Variants in KIAA1217 observed in about 807,000 individuals in gnomAD.
The protein encoded by KIAA1217 is sickle tail protein homolog.
KIAA1217 carries 88 observed loss-of-function variants against 163.9 expected under a neutral mutation model. The observed-to-expected ratio is 0.54, with a 90% confidence interval of 0.45 to 0.64. The LOEUF (loss-of-function observed/expected upper bound fraction) is 0.64, where lower values mean the gene tolerates loss of function less well. Among genes scored for constraint, KIAA1217 ranks in the 30% least tolerant of loss-of-function variants. The pLI is 0.00. For synonymous variants in KIAA1217, 903 were observed against 923.1 expected (o/e 0.98, Z 0.39); for missense variants, 2,372 against 2,475.0 (o/e 0.96, Z 0.88).
intron 2 of KIAA1217, among the ~76,000 whole-genome samples, chr10:24,303,325 G>A (rs952295294): frequency 6.6e-6 from 1 of 152,048 alleles, no homozygotes; most frequent in Non-Finnish European, 1.5e-5. Flanking sequence ...CTCCATTGGA[G>A]GGTTTTAAAG....
At chr10:23,984,442 T>C (rs1212545886) in intron 1 of KIAA1217, among the ~76,000 whole-genome samples, 1 of 152,170 alleles carries the variant, frequency 6.6e-6, no homozygotes, top group Non-Finnish European at 1.5e-5. Flanking sequence ...CTGGGTCAAA[T>C]GGTATAAAGG....
intron 1 of KIAA1217, among the ~76,000 whole-genome samples, chr10:23,853,331 T>C (rs1839457645): frequency 6.6e-6 from 1 of 152,204 alleles, no homozygotes; most frequent in Non-Finnish European, 1.5e-5. Context: ...GATTTGCATG[T>C]ATTAAACCAG....
chr10:24,018,676 T>A (rs1394965142), intron 2 of KIAA1217, among the ~76,000 whole-genome samples: 3 of 152,068 alleles, frequency 2.0e-5, no homozygotes, highest in Non-Finnish European at 4.4e-5. Context: ...AACTTAGAAC[T>A]GCTATATGAC....
intron 1 of KIAA1217, among the ~76,000 whole-genome samples, chr10:23,993,029 CTTTT>C (rs1188657000): frequency 1.7e-5 from 2 of 118,624 alleles, no homozygotes; most frequent in African/African-American, 3.3e-5. Flanking sequence ...TGATAGCTTC[CTTTT>C]TTTTTTTTTT....
intron 1 of KIAA1217, among the ~76,000 whole-genome samples, chr10:23,808,012 C>G (rs1836824224): frequency 6.6e-6 from 1 of 152,204 alleles, no homozygotes; most frequent in Admixed American, 6.5e-5. Context: ...TGATGACAAA[C>G]TTGCCATATC....
At chr10:24,328,363 A>G (rs1166674863) in intron 2 of KIAA1217, among the ~76,000 whole-genome samples, 2 of 152,092 alleles carry the variant, frequency 1.3e-5, no homozygotes, top group Non-Finnish European at 2.9e-5. Context: ...CTGACAATTT[A>G]TTGTTTAGAT....
intron 1 of KIAA1217, among the ~76,000 whole-genome samples, chr10:23,716,028 CA>C (rs1837545640): frequency 6.6e-6 from 1 of 152,100 alleles, no homozygotes; most frequent in South Asian, 2.1e-4. Flanking sequence ...TAGCATGTTT[CA>C]GTCTTGAAAG....
At chr10:24,159,939 C>T (rs979135193) in intron 2 of KIAA1217, among the ~76,000 whole-genome samples, 4 of 152,058 alleles carry the variant, frequency 2.6e-5, no homozygotes, top group African/African-American at 4.8e-5. Context: ...TCTAATTGTT[C>T]TAGAACCACT....
At chr10:23,752,687 T>C (rs545252649) in intron 1 of KIAA1217, among the ~76,000 whole-genome samples, 1 of 152,286 alleles carries the variant, frequency 6.6e-6, no homozygotes, top group South Asian at 2.1e-4. Context: ...TTTTTACTCT[T>C]GTATCAAAGG....
At chr10:23,943,218 T>C (rs1843858925) in intron 1 of KIAA1217, among the ~76,000 whole-genome samples, 1 of 152,206 alleles carries the variant, frequency 6.6e-6, no homozygotes, top group African/African-American at 2.4e-5. Flanking sequence ...AAGCTGTTTA[T>C]ATTTACAGAT....
intron 2 of KIAA1217, among the ~76,000 whole-genome samples, chr10:24,176,752 A>G (rs1312867050): frequency 6.6e-6 from 1 of 152,188 alleles, no homozygotes; most frequent in African/African-American, 2.4e-5. Flanking sequence ...TGGGTGATTG[A>G]TAGGACTAGG....
chr10:24,309,340 A>ATG (rs1169001327), intron 2 of KIAA1217, among the ~76,000 whole-genome samples: 1,450 of 140,002 alleles, frequency 0.01, 9 homozygotes, highest in Non-Finnish European at 0.017. Context: ...AGGCGCGCGC[A>ATG]CGCGCGCGCG....
chr10:23,856,418 C>A (rs1839665482), intron 1 of KIAA1217, among the ~76,000 whole-genome samples: 1 of 152,196 alleles, frequency 6.6e-6, no homozygotes, highest in Non-Finnish European at 1.5e-5. Flanking sequence ...TCAGTCTGCC[C>A]CTACTGGAGG....
chr10:24,160,330 T>C (rs1325672773), intron 2 of KIAA1217, among the ~76,000 whole-genome samples: 1 of 152,160 alleles, frequency 6.6e-6, no homozygotes, highest in East Asian at 1.9e-4. Flanking sequence ...ATTTTAGCAA[T>C]ATTAATTTTT....
intron 1 of KIAA1217, among the ~76,000 whole-genome samples, chr10:23,914,005 C>T (rs1161250314): frequency 1.3e-5 from 2 of 152,256 alleles, no homozygotes; most frequent in East Asian, 3.9e-4. Context: ...TGCAGAAACA[C>T]AGAGGCATGC....
intron 2 of KIAA1217, among the ~76,000 whole-genome samples, chr10:24,281,858 C>A (rs1475075316): frequency 6.6e-6 from 1 of 152,044 alleles, no homozygotes; most frequent in Admixed American, 6.6e-5. Flanking sequence ...CAGATCGAGA[C>A]CAGCATGGCT....
intron 17 of KIAA1217, among the ~76,000 whole-genome samples, chr10:24,541,885 T>C (rs932507657): frequency 1.3e-5 from 2 of 152,168 alleles, no homozygotes; most frequent in Non-Finnish European, 2.9e-5. Context: ...AATGTTTAGG[T>C]TCTATTGTAA....
chr10:23,918,171 T>A (rs1842701514), intron 1 of KIAA1217, among the ~76,000 whole-genome samples: 2 of 136,208 alleles, frequency 1.5e-5, no homozygotes, highest in African/African-American at 5.9e-5. Context: ...TTTTTTTTTT[T>A]AAAGAGATAG....
intron 1 of KIAA1217, among the ~76,000 whole-genome samples, chr10:23,846,859 T>C (rs1839057304): frequency 6.6e-6 from 1 of 151,984 alleles, no homozygotes; most frequent in South Asian, 2.1e-4. Flanking sequence ...CAGTATGATA[T>C]TGGCTGTGGG....
Sources: allele counts gnomAD v4.1 joint callset (sites outside exome capture counted in the v4.1 genomes callset), GRCh38; gene constraint gnomAD v4.1.1; transcripts MANE v1.5; gene names NCBI Gene and HGNC (gene_info 2026-07-23, HGNC 2026-07-21).